The following SYNPR variants were observed in gnomAD, a reference collection of about 807,000 sequenced individuals.
The protein encoded by SYNPR is synaptoporin.
A neutral mutation model predicts 32.9 loss-of-function variants in SYNPR; 23 were observed. The observed-to-expected ratio is 0.70, with a 90% CI of 0.50 to 0.99. SYNPR has a LOEUF of 0.99. Ranked by LOEUF, SYNPR falls within the 50% of genes least tolerant of loss-of-function variation. The pLI, the probability that SYNPR is intolerant of heterozygous loss-of-function variation, is 0.00. For missense variants in SYNPR, 318 were observed against 349.3 expected (o/e 0.91, Z 0.71); for synonymous variants, 146 against 135.9 (o/e 1.07, Z -0.52).
chr3:63,277,587 T>A (rs2086589028), upstream of SYNPR, among the ~76,000 whole-genome samples: 1 of 152,208 alleles, frequency 6.6e-6, no homozygotes, highest in Non-Finnish European at 1.5e-5. Context: ...TCATGAGATG[T>A]TTTACCTTGG....
chr3:63,494,450 C>CGTAT lies in SYNPR; in HGVS notation c.209+13494_209+13495insGTAT, dbSNP rs1559516379. Among the ~76,000 whole-genome samples, 10 of 86,780 alleles carry CGTAT rather than the reference C, an allele frequency of 1.2e-4. No homozygotes were observed. In the East Asian group the frequency reaches 2.1e-3, roughly 18 times the overall value. The allele number at this position is 86,780 out of a possible 152,430, so 56.9% of individuals were successfully genotyped here. ...ATATATATACGTATATATATATACA[C>CGTAT]ATATATATACATATATACACATATA... is the stretch of plus-strand genomic sequence containing the variant. On this transcript the variant is annotated intron_variant, in intron 3 of 5. Coordinates refer to ENST00000478300, the MANE Select transcript of SYNPR (RefSeq NM_001130003.2).
intron 4 of SYNPR, among the ~76,000 whole-genome samples, chr3:63,559,234 C>CAA: frequency 6.6e-6 from 1 of 152,060 alleles, no homozygotes; most frequent in East Asian, 1.9e-4. Context: ...CACCACCACA[C>CAA]TCAGCTAATT....
At position 63,616,870 on chromosome 3, in the gene SYNPR, G is replaced by C. The variant is rs1257594783; in HGVS notation, c.*1389G>C. On this transcript the variant is annotated 3_prime_UTR_variant, in exon 6 of 6. Coordinates refer to ENST00000478300, the MANE Select transcript of SYNPR (RefSeq NM_001130003.2). ...TGTAACCAGTTTCTGAATCCCGTTG[G>C]ATAAAACTGTATTGTGATATCTATT... The C allele has an allele frequency of 6.6e-6, 1 of 152,214 alleles. No individual in the cohort carries two copies. The highest frequency in any genetic ancestry group is 2.1e-4 in the South Asian group (1 of 4,822). The allele number at this position is 152,214 out of a possible 1,614,324, so 9.4% of individuals were successfully genotyped here. A position where few individuals can be genotyped will look rare whatever the true frequency, so the allele number is the denominator to read the frequency against.
chr3:63,353,828 AT>A (rs2087540784), intron 2 of SYNPR, among the ~76,000 whole-genome samples: 1 of 152,198 alleles, frequency 6.6e-6, no homozygotes, highest in Admixed American at 6.5e-5. Context: ...TTTTGTGTGA[AT>A]TTTAATGCAC....
chr3:63,452,009 C>A, intron 2 of SYNPR: 1 of 681,444 alleles, frequency 1.5e-6, no homozygotes, highest in Non-Finnish European at 2.7e-6. Flanking sequence ...TCCTTTCTTC[C>A]TCCCCCAGAC....
intron 2 of SYNPR, among the ~76,000 whole-genome samples, chr3:63,446,347 G>C (rs1700276299): frequency 6.7e-6 from 1 of 150,132 alleles, no homozygotes; most frequent in African/African-American, 2.5e-5. Flanking sequence ...ACTTCAGGTT[G>C]AATATTGCAA....
chr3:63,385,527 A>C (rs963435263), intron 2 of SYNPR, among the ~76,000 whole-genome samples: 3 of 152,226 alleles, frequency 2.0e-5, no homozygotes, highest in Non-Finnish European at 2.9e-5. Flanking sequence ...TGAAAATCTA[A>C]TGAAACAATG....
At chr3:63,313,275 G>T (rs1309300759) in intron 2 of SYNPR, among the ~76,000 whole-genome samples, 2 of 151,814 alleles carry the variant, frequency 1.3e-5, no homozygotes. Context: ...ACATGAGTAA[G>T]TTCTGTAGTG....
intron 3 of SYNPR, among the ~76,000 whole-genome samples, chr3:63,501,291 C>T (rs774636291): frequency 7.2e-5 from 11 of 152,032 alleles, no homozygotes; most frequent in South Asian, 4.2e-4. Flanking sequence ...CCTGCCTGGG[C>T]AACATGGTGA....
At chr3:63,558,865 T>A (rs1702636680) in intron 4 of SYNPR, among the ~76,000 whole-genome samples, 1 of 151,388 alleles carries the variant, frequency 6.6e-6, no homozygotes, top group South Asian at 2.1e-4. Context: ...AAAAAAAAAA[T>A]TATATTGTGC....
chr3:63,344,027 C>T (rs896570643), intron 2 of SYNPR, among the ~76,000 whole-genome samples: 4 of 152,252 alleles, frequency 2.6e-5, no homozygotes, highest in Admixed American at 6.5e-5. Flanking sequence ...CTCAGCCTCG[C>T]TCATATGCTG....
chr3:63,278,109 A>C (rs2086593284), upstream of SYNPR: 1 of 160,920 alleles, frequency 6.2e-6, no homozygotes, highest in South Asian at 2.0e-4. Context: ...CGCTTTCCCA[A>C]ACCAACAGAC....
At chr3:63,540,027 G>C (rs1267251947) in intron 3 of SYNPR, among the ~76,000 whole-genome samples, 1 of 152,096 alleles carries the variant, frequency 6.6e-6, no homozygotes, top group Admixed American at 6.6e-5. Flanking sequence ...CTTAATGTAG[G>C]AGGCATATCA....
rs577681228 is a variant in SYNPR at position 63,361,676 on chromosome 3, A to T, written c.84+82934A>T. Among the ~76,000 whole-genome samples the T allele has an allele frequency of 4.0e-5, 6 of 151,690 alleles. No homozygotes were observed. In the East Asian group the frequency reaches 1.2e-3, roughly 30 times the overall value. On this transcript the variant is annotated intron_variant, in intron 2 of 5. Coordinates refer to ENST00000478300, the MANE Select transcript of SYNPR (RefSeq NM_001130003.2). ...TCAGTTTATATTACCTCCTCATAAG[A>T]TTATTGTGAGGGTGATATGGGCCGC... is the stretch of plus-strand genomic sequence containing the variant.
rs551085979 is a variant in SYNPR at position 63,573,544 on chromosome 3, C to T, written c.408+16803C>T. On this transcript the variant is annotated intron_variant, in intron 4 of 5. Coordinates refer to ENST00000478300, the MANE Select transcript of SYNPR (RefSeq NM_001130003.2). The stretch of plus-strand genomic sequence containing the variant: ...AGAGTGAAAGGGATCAGAATGAATG[C>T]TGGGAGCAGCTTTGAAGTCATCATC... Among the ~76,000 whole-genome samples, 11 of 152,252 alleles carry T rather than the reference C, an allele frequency of 7.2e-5. No homozygotes were observed. In the South Asian group the frequency reaches 2.3e-3, roughly 32 times the overall value.
rs1183102673 is a variant in SYNPR at position 63,443,357 on chromosome 3, T to C, written c.85-37475T>C. 3.2e-6 allele frequency: 5 copies of C among 1,545,870 alleles called. No homozygotes were observed. In the East Asian group the frequency reaches 1.2e-4, roughly 37 times the overall value. On this transcript the variant is annotated intron_variant, in intron 2 of 5. Coordinates refer to ENST00000478300, the MANE Select transcript of SYNPR (RefSeq NM_001130003.2). The stretch of plus-strand genomic sequence containing the variant: ...CATAAAAAGAGGGACAAGTGGCTGG[T>C]GCTGTGGACAGAGAAGCTTTATTTT...
At chr3:63,491,773 G>A (rs972649128) in intron 3 of SYNPR, among the ~76,000 whole-genome samples, 53 of 151,598 alleles carry the variant, frequency 3.5e-4, no homozygotes, top group African/African-American at 1.2e-3. Flanking sequence ...TGCCTCCCTC[G>A]GCCTCCCGAA....
intron 3 of SYNPR, among the ~76,000 whole-genome samples, chr3:63,537,992 A>G (rs1261574490): frequency 6.6e-6 from 1 of 152,150 alleles, no homozygotes; most frequent in African/African-American, 2.4e-5. Flanking sequence ...ATCTATTGCC[A>G]TAGGACATAC....
intron 2 of SYNPR, among the ~76,000 whole-genome samples, chr3:63,360,697 T>C (rs1206344791): frequency 6.6e-6 from 1 of 152,158 alleles, no homozygotes; most frequent in Non-Finnish European, 1.5e-5. Context: ...TAACTCCCCT[T>C]GGCCTAGAAC....
Sources: gnomAD v4.1 joint callset for allele counts (sites outside exome capture counted in the v4.1 genomes callset) on GRCh38, gnomAD v4.1.1 for gene constraint, MANE v1.5 for transcripts, NCBI Gene and HGNC (gene_info 2026-07-23, HGNC 2026-07-21) for gene names.